ADCY10: variants seen among roughly 807,000 people sequenced by gnomAD.
The protein encoded by ADCY10 is adenylate cyclase 10, also known as adenylate cyclase type 10.
Under a neutral mutation model 183.3 loss-of-function variants are expected in ADCY10, and 156 were observed. The observed-to-expected ratio is 0.85, with a 90% CI of 0.75 to 0.97. The LOEUF (loss-of-function observed/expected upper bound fraction) is 0.97, where lower values mean the gene tolerates loss of function less well. Ranked by LOEUF, ADCY10 falls within the 50% of genes least tolerant of loss-of-function variation. The probability of loss-of-function intolerance (pLI) is 0.00; values close to 1 mark genes in which losing one functional copy is unlikely to be tolerated. For synonymous variants in ADCY10, 645 were observed against 670.0 expected, an observed-to-expected ratio of 0.96 and a Z score of 0.58; for missense variants, 1,745 against 1,934.3, an observed-to-expected ratio of 0.90 and a Z score of 1.84.
At chr1:167,834,130 A>G in intron 23 of ADCY10, 53 bp from the exon 24 acceptor site, 1 of 1,395,100 alleles carries the variant, frequency 7.2e-7, no homozygotes, top group Non-Finnish European at 1.0e-6. Flanking sequence ...GATTGAGCCC[A>G]CAGAAGGGCC....
At chr1:167,814,148 G>T (rs79616211) in intron 31 of ADCY10, among the ~76,000 whole-genome samples, 3,839 of 152,064 alleles carry the variant, frequency 0.025, 56 homozygotes, top group East Asian at 0.079. Flanking sequence ...ACTTTAAATT[G>T]AATTAAACTC....
At chr1:167,839,948 A>C (rs1415277405) in intron 21 of ADCY10, among the ~76,000 whole-genome samples, 1 of 152,036 alleles carries the variant, frequency 6.6e-6, no homozygotes, top group Non-Finnish European at 1.5e-5. Context: ...GGCCAGGCAC[A>C]GTGGCTCATC....
intron 19 of ADCY10, among the ~76,000 whole-genome samples, chr1:167,846,496 C>G (rs1043495550): frequency 2.0e-5 from 3 of 152,172 alleles, no homozygotes; most frequent in African/African-American, 7.2e-5. Flanking sequence ...GCACAATGAC[C>G]TGACAAAATT....
intron 26 of ADCY10, among the ~76,000 whole-genome samples, chr1:167,825,508 C>T (rs1278740385): frequency 6.6e-6 from 1 of 151,930 alleles, no homozygotes; most frequent in Non-Finnish European, 1.5e-5. Context: ...ACTAGCCAGG[C>T]ATGGTGGCAT....
Position 167,870,288 on chromosome 1 carries a change from T to G in ADCY10, c.1585A>C (p.Ile529Leu), listed in dbSNP as rs1278966896. ...TTCTTACCTTGGGCCAGGTACTCAA[T>G]TTTCATAAGTATCTGGCTTTTTCCA... ...GYGKSQILMKIEYLAQGKNHR... is the reference protein window; with the variant it reads ...GYGKSQILMKLEYLAQGKNHR... Residue 529 changes from isoleucine to leucine, a missense_variant, in exon 14 of 33, where the codon ATT becomes CTT. Physicochemically the swap from Ile to Leu is conservative, Grantham distance 5. Coordinates refer to ENST00000367851, the MANE Select transcript of ADCY10 (RefSeq NM_018417.6). 1 of 1,614,060 alleles carries G rather than the reference T, an allele frequency of 6.2e-7. No individual in the cohort carries two copies. The highest frequency in any genetic ancestry group is 8.5e-7 in the Non-Finnish European group (1 of 1,179,990).
intron 12 of ADCY10, among the ~76,000 whole-genome samples, chr1:167,876,967 A>C (rs1336168135): frequency 6.6e-6 from 1 of 152,198 alleles, no homozygotes; most frequent in Non-Finnish European, 1.5e-5. Flanking sequence ...TGAGGCCGCC[A>C]GGTTGGCCAA....
chr1:167,842,766 G>A (rs1012197388), intron 21 of ADCY10, among the ~76,000 whole-genome samples: 2 of 152,150 alleles, frequency 1.3e-5, no homozygotes, highest in African/African-American at 4.8e-5. Context: ...AGGGGCCGAG[G>A]AGTGGTGTAA....
rs2102513994 is a variant in ADCY10, at chr1:167,914,038, T to C, written c.-121A>G. ...AGTTAGGGACTAGGTCTTTTAAGAC[T>C]GCAGAAGACAGGAGAGGAGGCCGGG... is the stretch of plus-strand genomic sequence containing the variant. On this transcript the variant is annotated 5_prime_UTR_variant, in exon 1 of 33. Transcript: ENST00000367851. 1 of 152,460 alleles carries C rather than the reference T, an allele frequency of 6.6e-6. No homozygotes were observed. Among genetic ancestry groups the C allele is most frequent in the East Asian group, 1.9e-4 (1 of 5,188 alleles). The allele number at this position is 152,460 out of a possible 1,614,324, so 9.4% of individuals were successfully genotyped here. A position where few individuals can be genotyped will look rare whatever the true frequency, so the allele number is the denominator to read the frequency against.
At chr1:167,842,280 T>C (rs1456592030) in intron 21 of ADCY10, among the ~76,000 whole-genome samples, 1 of 152,174 alleles carries the variant, frequency 6.6e-6, no homozygotes, top group East Asian at 1.9e-4. Context: ...ACTGGGACTA[T>C]AGATGTGTGC....
chr1:167,904,782 C>T, intron 2 of ADCY10: 1 of 653,308 alleles, frequency 1.5e-6, no homozygotes, highest in Non-Finnish European at 2.7e-6. Flanking sequence ...TAAAGATATG[C>T]CTATGACTGG....
At chr1:167,869,730 G>C (rs576083238) in intron 14 of ADCY10, among the ~76,000 whole-genome samples, 2 of 152,254 alleles carry the variant, frequency 1.3e-5, no homozygotes, top group Admixed American at 1.3e-4. Context: ...AATCGATCAC[G>C]ACCCTCTCAT....
At chr1:167,857,996 TTG>T (rs1666025153) in intron 16 of ADCY10, among the ~76,000 whole-genome samples, 1 of 152,214 alleles carries the variant, frequency 6.6e-6, no homozygotes, top group South Asian at 2.1e-4. Context: ...AAGGAGCTTC[TTG>T]TAAATACTTG....
At position 167,899,405 on chromosome 1, in the gene ADCY10, T is replaced by C. The variant is rs186114977; in HGVS notation, c.642+18A>G. ...ACAGGCTGGCAGAACTTTCTGTAAG[T>C]AGCAGCATCACACCCACCTTAACTG... On this transcript the variant is annotated intron_variant, in intron 6 of 32. Coordinates refer to ENST00000367851, the MANE Select transcript of ADCY10 (RefSeq NM_018417.6). 4 of 1,613,464 alleles carry C rather than the reference T, an allele frequency of 2.5e-6. No individual in the cohort carries two copies. The highest frequency in any genetic ancestry group is 1.7e-5 in the Admixed American group (1 of 60,020).
chr1:167,810,835 A>G lies in ADCY10; in HGVS notation c.4561T>C (p.Cys1521Arg), dbSNP rs1386010191. The change falls in exon 32 of 33, where the codon TGT (cysteine) becomes CGT (arginine). Residue 1521 changes from cysteine (C) to arginine (R), a missense_variant. By Grantham distance (180) the Cys-to-Arg change is radical. Coordinates refer to ENST00000367851, the MANE Select transcript of ADCY10 (RefSeq NM_018417.6). Reference sequence around the variant, plus strand: ...TTCTGCCCATCTCCCATTAATATACAGACGTAAGCCATCAGGTGGTAGAGC... The same window carrying G: ...TTCTGCCCATCTCCCATTAATATACGGACGTAAGCCATCAGGTGGTAGAGC... ...PRLYHLMAYV[C>R]ILMGDGQKCG... The G allele has an allele frequency of 1.9e-6, 3 of 1,614,110 alleles. No individual in the cohort carries two copies. The highest frequency in any genetic ancestry group is 2.5e-6 in the Non-Finnish European group (3 of 1,180,034).
chr1:167,854,210 G>T (rs566405327), intron 18 of ADCY10, 143 bp downstream of exon 18: 1 of 1,001,062 alleles, frequency 1.0e-6, no homozygotes, highest in South Asian at 1.3e-5. Flanking sequence ...CTGGAATATC[G>T]GATCCAATAA....
intron 25 of ADCY10, among the ~76,000 whole-genome samples, chr1:167,830,548 T>G (rs1299050824): frequency 6.6e-6 from 1 of 152,046 alleles, no homozygotes; most frequent in Non-Finnish European, 1.5e-5. Context: ...CACACCACCA[T>G]GTCTGGCTAA....
At chr1:167,854,828 CAG>C (rs1665767399) in intron 17 of ADCY10, among the ~76,000 whole-genome samples, 2 of 151,986 alleles carry the variant, frequency 1.3e-5, no homozygotes, top group African/African-American at 4.8e-5. Flanking sequence ...ATAATTTAAA[CAG>C]AGAGAGGGGG....
At chr1:167,900,968 G>A (rs1352281793) in intron 5 of ADCY10, among the ~76,000 whole-genome samples, 2 of 152,070 alleles carry the variant, frequency 1.3e-5, no homozygotes, top group Non-Finnish European at 1.5e-5. Context: ...TTAGTTAGGC[G>A]GAAGCTAACA....
intron 8 of ADCY10, among the ~76,000 whole-genome samples, chr1:167,885,299 G>A (rs933394451): frequency 2.0e-5 from 3 of 152,132 alleles, no homozygotes; most frequent in East Asian, 1.9e-4. Context: ...TTTTGAGTAT[G>A]TATCTAGGAG....
Sources: allele counts gnomAD v4.1 joint callset (sites outside exome capture counted in the v4.1 genomes callset), GRCh38; gene constraint gnomAD v4.1.1; transcripts MANE v1.5; gene names NCBI Gene and HGNC (gene_info 2026-07-23, HGNC 2026-07-21).